The following ATP2C2 variants were observed in gnomAD, a reference collection of about 807,000 sequenced individuals.
ATP2C2 encodes ATPase secretory pathway Ca2+ transporting 2, also known as calcium-transporting ATPase type 2C member 2.
Under a neutral mutation model 110.8 loss-of-function variants are expected in ATP2C2, and 171 were observed. The observed-to-expected ratio is 1.54, with a 90% confidence interval of 1.36 to 1.75. The LOEUF (loss-of-function observed/expected upper bound fraction) is 1.75. Ranked by LOEUF, ATP2C2 falls within the 40% of genes most tolerant of loss-of-function variation. ATP2C2 has a pLI of 0.00. For missense variants in ATP2C2, 1,963 were observed against 1,235.0 expected (o/e 1.59, Z -8.84); for synonymous variants, 804 against 508.4 (o/e 1.58, Z -7.82).
chr16:84,414,516 A>G (rs1464410781), intron 6 of ATP2C2, among the ~76,000 whole-genome samples: 1 of 152,146 alleles, frequency 6.6e-6, no homozygotes, highest in African/African-American at 2.4e-5. Flanking sequence ...TTTTCCCACA[A>G]GCCCCCAGCA....
chr16:84,436,662 C>T (rs1281054656), intron 11 of ATP2C2, among the ~76,000 whole-genome samples: 4 of 152,178 alleles, frequency 2.6e-5, no homozygotes, highest in South Asian at 2.1e-4. Context: ...CTTCCCCCCT[C>T]CTCAGCCTGG....
intron 13 of ATP2C2, 50 bp from the exon 14 acceptor site, chr16:84,440,807 A>G (rs932603461): frequency 7.0e-7 from 1 of 1,422,150 alleles, no homozygotes; most frequent in South Asian, 1.2e-5. Context: ...CAACTGGGGG[A>G]GCATGTTTTT....
At chr16:84,430,680 A>G (rs1456600470) in intron 11 of ATP2C2, among the ~76,000 whole-genome samples, 2 of 149,644 alleles carry the variant, frequency 1.3e-5, no homozygotes, top group Non-Finnish European at 3.0e-5. Flanking sequence ...ATCTTCAAGG[A>G]ATTGAAGAGG....
chr16:84,444,871 C>T (rs191430590), intron 15 of ATP2C2, among the ~76,000 whole-genome samples: 2 of 152,340 alleles, frequency 1.3e-5, no homozygotes, highest in South Asian at 4.1e-4. Context: ...CTTTGTGGTT[C>T]TTACCTGTCT....
chr16:84,423,001 A>G (rs991453440), intron 9 of ATP2C2, among the ~76,000 whole-genome samples, 187 bp from the exon 10 acceptor site: 1 of 152,170 alleles, frequency 6.6e-6, no homozygotes, highest in African/African-American at 2.4e-5. Context: ...TAGCATTTTG[A>G]TAAAGATACA....
At chr16:84,419,886 G>C (rs1372968921) in intron 7 of ATP2C2, among the ~76,000 whole-genome samples, 1 of 152,148 alleles carries the variant, frequency 6.6e-6, no homozygotes, top group African/African-American at 2.4e-5. Context: ...TGGGAATCCT[G>C]GATTTCCCAA....
chr16:84,455,055 C>T (rs1910665245), intron 21 of ATP2C2, 71 bp downstream of exon 21: 2 of 1,479,028 alleles, frequency 1.4e-6, no homozygotes, highest in Admixed American at 1.8e-5. Flanking sequence ...CTGGAACCTG[C>T]TACTGTGGAG....
In ATP2C2 at chr16:84,411,093, C is replaced by G. The variant is rs116868542; in HGVS notation, c.515+328C>G. Among the ~76,000 whole-genome samples the G allele has an allele frequency of 3.5e-4, 53 of 152,152 alleles. No homozygotes were observed. The East Asian group carries it at 8.9e-3, about 26-fold the overall frequency. Reference sequence around the variant, plus strand: ...ATGTGCAGAACTGTGTGCATTTTTTCTAGGGAGAGGGTCTGGAGGTTTATT... The same window carrying G: ...ATGTGCAGAACTGTGTGCATTTTTTGTAGGGAGAGGGTCTGGAGGTTTATT... On this transcript the variant is annotated intron_variant, in intron 6 of 26. Transcript: ENST00000262429.
At chr16:84,379,579 G>T (rs920427379) in intron 1 of ATP2C2, among the ~76,000 whole-genome samples, 1 of 152,212 alleles carries the variant, frequency 6.6e-6, no homozygotes, top group Non-Finnish European at 1.5e-5. Flanking sequence ...TGGAACTACA[G>T]AATCAGAAAC....
intron 3 of ATP2C2, chr16:84,406,511 T>G: frequency 2.3e-6 from 2 of 863,920 alleles, no homozygotes; most frequent in South Asian, 1.1e-4. Context: ...ATTGGTCGAT[T>G]CCGGAACCAA....
intron 11 of ATP2C2, among the ~76,000 whole-genome samples, chr16:84,432,836 A>G (rs1908401728): frequency 6.6e-6 from 1 of 152,066 alleles, no homozygotes; most frequent in African/African-American, 2.4e-5. Flanking sequence ...TCATATTTCT[A>G]ACAAGCTCTC....
intron 26 of ATP2C2, 110 bp downstream of exon 26, chr16:84,462,239 C>T: frequency 3.5e-6 from 5 of 1,414,654 alleles, no homozygotes; most frequent in East Asian, 2.3e-5. Flanking sequence ...GAAAGCAGAG[C>T]TCACCAGGGG....
chr16:84,387,004 T>C (rs138615273), intron 1 of ATP2C2, among the ~76,000 whole-genome samples: 130 of 152,218 alleles, frequency 8.5e-4, no homozygotes, highest in African/African-American at 3.0e-3. Flanking sequence ...TCCCACACTG[T>C]CTTAAGCTTG....
chr16:84,391,669 A>C (rs1468777036), intron 1 of ATP2C2, among the ~76,000 whole-genome samples: 8 of 152,160 alleles, frequency 5.3e-5, no homozygotes, highest in Non-Finnish European at 8.8e-5. Flanking sequence ...GGAAGAAAAG[A>C]TCTTGCCTGC....
intron 1 of ATP2C2, among the ~76,000 whole-genome samples, chr16:84,375,756 T>C (rs1328513191): frequency 6.6e-6 from 1 of 152,266 alleles, no homozygotes; most frequent in Admixed American, 6.5e-5. Flanking sequence ...AAAGATCATT[T>C]TGAGCAGTAT....
chr16:84,391,324 C>G (rs1425143337), intron 1 of ATP2C2, among the ~76,000 whole-genome samples: 1 of 152,168 alleles, frequency 6.6e-6, no homozygotes, highest in Non-Finnish European at 1.5e-5. Context: ...CCCACAGCCC[C>G]GGGGCAGCTA....
intron 1 of ATP2C2, among the ~76,000 whole-genome samples, chr16:84,383,694 C>A (rs1399171005): frequency 1.4e-5 from 2 of 146,772 alleles, no homozygotes; most frequent in African/African-American, 4.9e-5. Context: ...CCCATTTAGA[C>A]ATAAATTGCA....
At position 84,408,392 on chromosome 16, in the gene ATP2C2, A is replaced by G; in HGVS notation, c.328-13A>G. ...ACTAAAGAACGTGCCCCACCCTGTT[A>G]TTTCCTCTTCAGTTTAAGAACCCCC... On this transcript the variant is annotated splice_polypyrimidine_tract_variant and intron_variant, in intron 3 of 26. Transcript: ENST00000262429. 6.2e-7 allele frequency: 1 copy of G among 1,612,424 alleles called. No homozygotes were observed. The highest frequency in any genetic ancestry group is 8.5e-7 in the Non-Finnish European group (1 of 1,178,726).
At chr16:84,447,952 G>C (rs1433632690) in intron 16 of ATP2C2, among the ~76,000 whole-genome samples, 1 of 151,478 alleles carries the variant, frequency 6.6e-6, no homozygotes, top group Non-Finnish European at 1.5e-5. Flanking sequence ...GCACCCACGT[G>C]AGCCAGGTAT....
Sources: allele counts gnomAD v4.1 joint callset (sites outside exome capture counted in the v4.1 genomes callset), GRCh38; gene constraint gnomAD v4.1.1; transcripts MANE v1.5; gene names NCBI Gene and HGNC (gene_info 2026-07-23, HGNC 2026-07-21).